Variants in ST6GALNAC3 observed in about 807,000 individuals in gnomAD.
ST6GALNAC3 encodes alpha-N-acetylgalactosaminide alpha-2,6-sialyltransferase 3.
ST6GALNAC3 carries 25 observed loss-of-function variants against 32.7 expected under a neutral mutation model. That is an observed-to-expected ratio of 0.76 (90% confidence interval 0.56 to 1.07). ST6GALNAC3 has a LOEUF of 1.07. Ranked by LOEUF, ST6GALNAC3 falls within the 50% of genes least tolerant of loss-of-function variation. The probability of loss-of-function intolerance (pLI) is 0.00; values close to 1 mark genes in which losing one functional copy is unlikely to be tolerated. For missense variants in ST6GALNAC3, 355 were observed against 382.4 expected (o/e 0.93, Z 0.60); for synonymous variants, 129 against 133.1 (o/e 0.97, Z 0.21).
intron 2 of ST6GALNAC3, among the ~76,000 whole-genome samples, chr1:76,357,061 T>C (rs1649517591): frequency 6.6e-6 from 1 of 151,784 alleles, no homozygotes; most frequent in Non-Finnish European, 1.5e-5. Context: ...AAGTCTAAAG[T>C]CTTTAGCCTA....
At chr1:76,374,433 A>G (rs1651062448) in intron 2 of ST6GALNAC3, among the ~76,000 whole-genome samples, 1 of 152,316 alleles carries the variant, frequency 6.6e-6, no homozygotes, top group South Asian at 2.1e-4. Context: ...GGGCTACTGG[A>G]TATTTACCGG....
chr1:76,517,600 A>C (rs9645423), intron 3 of ST6GALNAC3, among the ~76,000 whole-genome samples: 15,316 of 151,708 alleles, frequency 0.1, 950 homozygotes, highest in East Asian at 0.22. Flanking sequence ...CTTATTAATT[A>C]TTTCCTTCAA....
intron 3 of ST6GALNAC3, among the ~76,000 whole-genome samples, chr1:76,526,813 T>G (rs1228764587): frequency 6.6e-6 from 1 of 152,150 alleles, no homozygotes; most frequent in Non-Finnish European, 1.5e-5. Context: ...ATTTAATTGC[T>G]GTAGACACTT....
At position 76,095,917 on chromosome 1, in the gene ST6GALNAC3, T is replaced by C. The variant is rs552487747; in HGVS notation, c.18+21033T>C. On this transcript the variant is annotated intron_variant, in intron 1 of 4. Coordinates refer to ENST00000328299, the MANE Select transcript of ST6GALNAC3 (RefSeq NM_152996.4). ...CACCGGGCCCTCGGACATGCCCTTT[T>C]AACATTCTGACATAATGGATGAAAA... Among the ~76,000 whole-genome samples, 14 of 152,302 alleles carry C rather than the reference T, an allele frequency of 9.2e-5. No homozygotes were observed. In the South Asian group the frequency reaches 2.1e-3, roughly 23 times the overall value.
At chr1:76,088,565 G>T (rs1404492145) in intron 1 of ST6GALNAC3, among the ~76,000 whole-genome samples, 1 of 152,044 alleles carries the variant, frequency 6.6e-6, no homozygotes, top group Non-Finnish European at 1.5e-5. Flanking sequence ...GCCTGGGTGG[G>T]GAATGCCAGG....
chr1:76,349,367 G>T (rs1274310463), intron 2 of ST6GALNAC3, among the ~76,000 whole-genome samples: 1 of 152,160 alleles, frequency 6.6e-6, no homozygotes, highest in African/African-American at 2.4e-5. Context: ...CTTTTTGCAT[G>T]CACTGCTTTC....
intron 1 of ST6GALNAC3, chr1:76,142,823 C>T (rs1570165399): frequency 1.3e-5 from 5 of 388,736 alleles, no homozygotes; most frequent in Admixed American, 8.4e-5. Context: ...GAATGCCTGC[C>T]TTTTTTTTTT....
intron 3 of ST6GALNAC3, among the ~76,000 whole-genome samples, chr1:76,579,366 AT>A (rs1646858975): frequency 6.6e-6 from 1 of 151,972 alleles, no homozygotes; most frequent in African/African-American, 2.4e-5. Context: ...ATAGCATATT[AT>A]TTCATTTCAA....
At chr1:76,249,084 A>G (rs1657469689) in intron 1 of ST6GALNAC3, among the ~76,000 whole-genome samples, 1 of 152,192 alleles carries the variant, frequency 6.6e-6, no homozygotes, top group Non-Finnish European at 1.5e-5. Context: ...TTACTTTTTT[A>G]AATTATAGCT....
intron 1 of ST6GALNAC3, among the ~76,000 whole-genome samples, chr1:76,187,845 G>A (rs554966560): frequency 7.2e-5 from 11 of 152,192 alleles, no homozygotes; most frequent in African/African-American, 2.2e-4. Context: ...GCTAACTTCC[G>A]GTCACCATGT....
intron 3 of ST6GALNAC3, among the ~76,000 whole-genome samples, chr1:76,617,181 G>C (rs1339383513): frequency 6.6e-6 from 1 of 152,166 alleles, no homozygotes; most frequent in Non-Finnish European, 1.5e-5. Context: ...ATTTTTGTCA[G>C]AATAAGTTTG....
chr1:76,527,687 A>G (rs930891653), intron 3 of ST6GALNAC3, among the ~76,000 whole-genome samples: 5 of 152,066 alleles, frequency 3.3e-5, no homozygotes, highest in Non-Finnish European at 7.4e-5. Context: ...CTGAGAAATC[A>G]TTCTTCTAGG....
At chr1:76,217,141 A>G (rs1359413801) in intron 1 of ST6GALNAC3, among the ~76,000 whole-genome samples, 2 of 152,218 alleles carry the variant, frequency 1.3e-5, no homozygotes, top group Non-Finnish European at 2.9e-5. Context: ...TCCCTGCGAA[A>G]AACTTAAACC....
At chr1:76,503,125 A>G (rs1661275094) in intron 3 of ST6GALNAC3, among the ~76,000 whole-genome samples, 1 of 152,216 alleles carries the variant, frequency 6.6e-6, no homozygotes, top group African/African-American at 2.4e-5. Flanking sequence ...TGAAAAGAAT[A>G]TAAGGAAGGG....
At chr1:76,383,533 A>C (rs1203604440) in intron 2 of ST6GALNAC3, among the ~76,000 whole-genome samples, 1 of 151,464 alleles carries the variant, frequency 6.6e-6, no homozygotes, top group Non-Finnish European at 1.5e-5. Context: ...CAGCCTCCCA[A>C]AGTGCTGAGA....
intron 3 of ST6GALNAC3, among the ~76,000 whole-genome samples, chr1:76,616,179 A>T (rs1570456924): frequency 6.6e-6 from 1 of 152,164 alleles, no homozygotes; most frequent in Non-Finnish European, 1.5e-5. Flanking sequence ...TATGGAAAAG[A>T]CCCCAACCAC....
At chr1:76,491,077 C>T (rs990137824) in intron 3 of ST6GALNAC3, among the ~76,000 whole-genome samples, 1 of 151,966 alleles carries the variant, frequency 6.6e-6, no homozygotes, top group African/African-American at 2.4e-5. Context: ...AGGCTGGTCT[C>T]GAACTCCCAA....
rs937754057 is a variant in ST6GALNAC3, at chr1:76,629,688, G to T, written c.*882G>T. The T allele has an allele frequency of 7.1e-6, 7 of 985,308 alleles. No homozygotes were observed. The African/African-American group carries it at 1.2e-4, about 17-fold the overall frequency. The allele number at this position is 985,308 out of a possible 1,614,324, so 61.0% of individuals were successfully genotyped here. A position where few individuals can be genotyped will look rare whatever the true frequency, so the allele number is the denominator to read the frequency against. On this transcript the variant is annotated 3_prime_UTR_variant, in exon 5 of 5. Transcript: ENST00000328299. ...AGTAACCAAAGGGTTTGCTAACTCT[G>T]CTTCAACATCCAACAACACAAAACT...
At chr1:76,468,247 C>T (rs193008995) in intron 3 of ST6GALNAC3, among the ~76,000 whole-genome samples, 11 of 151,958 alleles carry the variant, frequency 7.2e-5, no homozygotes, top group African/African-American at 2.6e-4. Flanking sequence ...AGACAGAAAA[C>T]AGAAAAGACC....
Sources: allele counts gnomAD v4.1 joint callset (sites outside exome capture counted in the v4.1 genomes callset), GRCh38; gene constraint gnomAD v4.1.1; transcripts MANE v1.5; gene names NCBI Gene and HGNC (gene_info 2026-07-23, HGNC 2026-07-21).